The following TMEM131L variants were observed in gnomAD, a reference collection of about 807,000 sequenced individuals.
TMEM131L encodes transmembrane 131 like, also known as transmembrane protein 131-like.
In TMEM131L, 54 loss-of-function variants were observed where a neutral mutation model predicts 192.2. The observed-to-expected ratio is 0.28, with a 90% CI of 0.23 to 0.35. The LOEUF (loss-of-function observed/expected upper bound fraction) is 0.35, where lower values mean the gene tolerates loss of function less well. Ranked by LOEUF, TMEM131L falls within the 10% of genes least tolerant of loss-of-function variation. The pLI is 1.00. For synonymous variants in TMEM131L, 701 were observed against 704.9 expected (o/e 0.99, Z 0.09); for missense variants, 1,888 against 1,972.9 (o/e 0.96, Z 0.82).
intron 3 of TMEM131L, among the ~76,000 whole-genome samples, chr4:153,516,889 C>T (rs1014081453): frequency 9.9e-5 from 15 of 151,850 alleles, no homozygotes; most frequent in Admixed American, 7.9e-4. Context: ...GCAGTGGGGG[C>T]GATCTTGGCT....
chr4:153,589,036 C>T (rs542232506), intron 16 of TMEM131L, 29 bp downstream of exon 16: 26 of 1,213,114 alleles, frequency 2.1e-5, no homozygotes, highest in Middle Eastern at 1.9e-4. Flanking sequence ...CTTTTTTGTT[C>T]GGTGGTGGGG....
chr4:153,507,404 C>T (rs1053809475), intron 3 of TMEM131L, among the ~76,000 whole-genome samples: 1 of 152,148 alleles, frequency 6.6e-6, no homozygotes, highest in African/African-American at 2.4e-5. Context: ...GTCCCCCATG[C>T]TTGCTTTTTC....
chr4:153,583,911 T>G (rs1234620648), intron 11 of TMEM131L, among the ~76,000 whole-genome samples: 1 of 152,254 alleles, frequency 6.6e-6, no homozygotes, highest in African/African-American at 2.4e-5. Context: ...TCTGTGTTGA[T>G]AACGATTAGG....
At chr4:153,498,107 G>T (rs1309445668) in intron 3 of TMEM131L, among the ~76,000 whole-genome samples, 1 of 152,174 alleles carries the variant, frequency 6.6e-6, no homozygotes, top group African/African-American at 2.4e-5. Flanking sequence ...CTGAGTTTAT[G>T]TAAGTTTGAG....
chr4:153,516,887 G>C (rs564443480), intron 3 of TMEM131L, among the ~76,000 whole-genome samples: 1 of 151,970 alleles, frequency 6.6e-6, no homozygotes, highest in African/African-American at 2.4e-5. Context: ...GTGCAGTGGG[G>C]GCGATCTTGG....
chr4:153,633,829 C>T (rs181010737), intron 32 of TMEM131L, among the ~76,000 whole-genome samples: 8 of 152,282 alleles, frequency 5.3e-5, no homozygotes, highest in Non-Finnish European at 8.8e-5. Context: ...TCTGAGTGGA[C>T]GTTTTTAATG....
intron 3 of TMEM131L, among the ~76,000 whole-genome samples, chr4:153,499,897 G>T (rs1733469733): frequency 6.6e-6 from 1 of 152,072 alleles, no homozygotes; most frequent in Non-Finnish European, 1.5e-5. Context: ...TCAGATCCCA[G>T]TCTCACAGAC....
At chr4:153,532,507 G>T (rs1017456275) in intron 3 of TMEM131L, among the ~76,000 whole-genome samples, 1 of 151,498 alleles carries the variant, frequency 6.6e-6, no homozygotes, top group Non-Finnish European at 1.5e-5. Context: ...CCCACTTAAA[G>T]AGTGCAACTC....
At chr4:153,494,075 C>T (rs2149915962) in intron 3 of TMEM131L, among the ~76,000 whole-genome samples, 1 of 151,950 alleles carries the variant, frequency 6.6e-6, no homozygotes, top group East Asian at 1.9e-4. Context: ...ATCTCTGTGG[C>T]TTTCCAGCTA....
At chr4:153,516,990 C>T (rs1734782363) in intron 3 of TMEM131L, among the ~76,000 whole-genome samples, 1 of 152,080 alleles carries the variant, frequency 6.6e-6, no homozygotes, top group South Asian at 2.1e-4. Context: ...CCATGCCTGG[C>T]TAATTTTTGT....
At chr4:153,622,552 A>AG (rs1462986517) in intron 28 of TMEM131L, among the ~76,000 whole-genome samples, 1 of 152,172 alleles carries the variant, frequency 6.6e-6, no homozygotes, top group Non-Finnish European at 1.5e-5. Flanking sequence ...ATTAAAAGAG[A>AG]GGGGGAAAAT....
chr4:153,543,593 C>T (rs1736957175), intron 3 of TMEM131L, among the ~76,000 whole-genome samples: 1 of 152,174 alleles, frequency 6.6e-6, no homozygotes, highest in African/African-American at 2.4e-5. Context: ...TATAGACACC[C>T]CCCAGGCTGG....
intron 21 of TMEM131L, among the ~76,000 whole-genome samples, chr4:153,600,791 A>G (rs1731784659): frequency 6.6e-6 from 1 of 152,228 alleles, no homozygotes; most frequent in South Asian, 2.1e-4. Context: ...TTAGAAAACT[A>G]TACTAAATGG....
chr4:153,583,984 C>T (rs1258862755), intron 11 of TMEM131L, among the ~76,000 whole-genome samples: 1 of 152,158 alleles, frequency 6.6e-6, no homozygotes, highest in Admixed American at 6.5e-5. Context: ...GGAAAATTGG[C>T]AAATCTCTAT....
At chr4:153,494,326 G>A (rs994266133) in intron 3 of TMEM131L, among the ~76,000 whole-genome samples, 53 of 152,172 alleles carry the variant, frequency 3.5e-4, no homozygotes, top group African/African-American at 1.3e-3. Context: ...TTATATTGGG[G>A]AAAAATTAGG....
chr4:153,473,632 A>T, intron 2 of TMEM131L, among the ~76,000 whole-genome samples: 1 of 152,186 alleles, frequency 6.6e-6, no homozygotes. Context: ...TTTCTACTAA[A>T]AATACAAAAA....
At chr4:153,544,909 G>A (rs1737057096) in intron 3 of TMEM131L, among the ~76,000 whole-genome samples, 1 of 152,176 alleles carries the variant, frequency 6.6e-6, no homozygotes, top group Admixed American at 6.5e-5. Flanking sequence ...AGAGCTTTGA[G>A]GTGGGGTCAG....
At chr4:153,570,487 C>G (rs927864238) in intron 7 of TMEM131L, among the ~76,000 whole-genome samples, 3 of 152,212 alleles carry the variant, frequency 2.0e-5, no homozygotes, top group African/African-American at 7.2e-5. Flanking sequence ...GTGCATACCA[C>G]TGCTCTACTC....
At chr4:153,511,433 C>T (rs1345766923) in intron 3 of TMEM131L, among the ~76,000 whole-genome samples, 9 of 152,122 alleles carry the variant, frequency 5.9e-5, no homozygotes, top group East Asian at 5.8e-4. Context: ...AATAATAACA[C>T]GTGGAAACAT....
Sources: allele counts gnomAD v4.1 joint callset (sites outside exome capture counted in the v4.1 genomes callset), GRCh38; gene constraint gnomAD v4.1.1; transcripts MANE v1.5; gene names NCBI Gene and HGNC (gene_info 2026-07-23, HGNC 2026-07-21).